Variants in ENOX1 observed in about 807,000 individuals in gnomAD.
ENOX1 encodes the protein candidate growth-related and time keeping constitutive hydroquinone (NADH) oxidase.
A neutral mutation model predicts 82.5 loss-of-function variants in ENOX1; 42 were observed. The ratio of observed to expected loss-of-function variants is 0.51; its 90% CI spans 0.40 to 0.66. The LOEUF (loss-of-function observed/expected upper bound fraction) is 0.66. Ranked by LOEUF, ENOX1 falls within the 30% of genes least tolerant of loss-of-function variation. The pLI is 0.00. For missense variants in ENOX1, 608 were observed against 811.6 expected (o/e 0.75, Z 3.05); for synonymous variants, 271 against 282.2 (o/e 0.96, Z 0.40).
At chr13:43,367,473 C>G (rs926733270) in intron 5 of ENOX1, among the ~76,000 whole-genome samples, 2 of 151,988 alleles carry the variant, frequency 1.3e-5, no homozygotes, top group African/African-American at 4.8e-5. Context: ...CACAGACACA[C>G]AGGGAGAATG....
chr13:43,321,428 C>A (rs2047800955), intron 11 of ENOX1, among the ~76,000 whole-genome samples: 1 of 152,216 alleles, frequency 6.6e-6, no homozygotes, highest in South Asian at 2.1e-4. Flanking sequence ...ATCACTCGCA[C>A]CCCTACATTC....
At chr13:43,713,561 C>T (rs1049777017) in intron 1 of ENOX1, among the ~76,000 whole-genome samples, 39 of 152,122 alleles carry the variant, frequency 2.6e-4, no homozygotes, top group South Asian at 8.3e-4. Flanking sequence ...TTTTGGTTGG[C>T]AAGCTATTGA....
chr13:43,554,244 T>C (rs554467173), intron 2 of ENOX1, among the ~76,000 whole-genome samples: 1 of 152,170 alleles, frequency 6.6e-6, no homozygotes, highest in African/African-American at 2.4e-5. Context: ...TGAGAATCCA[T>C]GTACACATTG....
At chr13:43,329,785 T>C (rs1004249556) in intron 9 of ENOX1, among the ~76,000 whole-genome samples, 2 of 152,132 alleles carry the variant, frequency 1.3e-5, no homozygotes, top group African/African-American at 4.8e-5. Context: ...GTAACTCAGG[T>C]TTGGAAACCA....
chr13:43,296,491 C>G (rs1037449172), intron 12 of ENOX1, among the ~76,000 whole-genome samples: 1 of 152,168 alleles, frequency 6.6e-6, no homozygotes, highest in Non-Finnish European at 1.5e-5. Context: ...TGCTTTTGGA[C>G]CCTAGATCTT....
At chr13:43,758,937 G>A (rs915942519) in intron 1 of ENOX1, among the ~76,000 whole-genome samples, 1 of 152,158 alleles carries the variant, frequency 6.6e-6, no homozygotes, top group Non-Finnish European at 1.5e-5. Flanking sequence ...AGATTTGGCA[G>A]GGATGGCAGC....
chr13:43,448,232 AG>A (rs1288362906), intron 3 of ENOX1, among the ~76,000 whole-genome samples: 2 of 152,224 alleles, frequency 1.3e-5, no homozygotes, highest in Non-Finnish European at 2.9e-5. Context: ...TTTGCAGGAG[AG>A]GTCATTTAAT....
At chr13:43,647,904 GAGA>G (rs1437028518) in intron 2 of ENOX1, among the ~76,000 whole-genome samples, 1 of 152,200 alleles carries the variant, frequency 6.6e-6, no homozygotes, top group Non-Finnish European at 1.5e-5. Flanking sequence ...ATGGCAGAAT[GAGA>G]AGGTCTCGAC....
chr13:43,499,612 G>T (rs181632200), intron 2 of ENOX1, among the ~76,000 whole-genome samples: 16 of 151,968 alleles, frequency 1.1e-4, no homozygotes, highest in African/African-American at 3.6e-4. Flanking sequence ...CTTGTGGAGG[G>T]CTTTCCCTAC....
intron 2 of ENOX1, among the ~76,000 whole-genome samples, chr13:43,662,075 C>T (rs557206994): frequency 1.3e-5 from 2 of 152,066 alleles, no homozygotes; most frequent in South Asian, 4.2e-4. Context: ...ACTTTGGGGC[C>T]AACTCAATAC....
chr13:43,666,032 T>C (rs1056843850), intron 2 of ENOX1, among the ~76,000 whole-genome samples: 1 of 151,644 alleles, frequency 6.6e-6, no homozygotes, highest in African/African-American at 2.4e-5. Flanking sequence ...TAAAGTTATG[T>C]TTACACTATA....
intron 2 of ENOX1, among the ~76,000 whole-genome samples, chr13:43,523,452 A>C (rs1465313829): frequency 6.6e-6 from 1 of 152,192 alleles, no homozygotes; most frequent in Non-Finnish European, 1.5e-5. Context: ...AAGAATAAGG[A>C]CTAAAGAGAA....
At chr13:43,280,528 A>G (rs2045316571) in intron 12 of ENOX1, among the ~76,000 whole-genome samples, 1 of 152,192 alleles carries the variant, frequency 6.6e-6, no homozygotes, top group South Asian at 2.1e-4. Context: ...CTTTTAGTTG[A>G]ATCTTAATGG....
chr13:43,365,475 G>A (rs756866075), intron 5 of ENOX1, among the ~76,000 whole-genome samples: 10 of 152,186 alleles, frequency 6.6e-5, no homozygotes, highest in Admixed American at 2.6e-4. Context: ...GATTATTAGC[G>A]CAGATAAAAC....
intron 5 of ENOX1, among the ~76,000 whole-genome samples, chr13:43,370,141 G>T (rs950755642): frequency 1.3e-5 from 2 of 152,204 alleles, no homozygotes; most frequent in South Asian, 4.1e-4. Context: ...GCTGAGGCAG[G>T]TGGATCACGA....
intron 9 of ENOX1, among the ~76,000 whole-genome samples, chr13:43,343,022 T>C (rs1294263850): frequency 2.0e-5 from 3 of 152,218 alleles, no homozygotes; most frequent in Non-Finnish European, 1.5e-5. Flanking sequence ...TCTTCCTTGC[T>C]CATTAGGACT....
chr13:43,660,009 A>T (rs2084642939), intron 2 of ENOX1, among the ~76,000 whole-genome samples: 1 of 152,180 alleles, frequency 6.6e-6, no homozygotes, highest in South Asian at 2.1e-4. Context: ...CCTCTGTTGG[A>T]GTGGAGGAGC....
intron 1 of ENOX1, among the ~76,000 whole-genome samples, chr13:43,763,173 T>C (rs1038368170): frequency 1.3e-5 from 2 of 152,236 alleles, no homozygotes; most frequent in South Asian, 4.1e-4. Context: ...TGTCTATGTC[T>C]GGGCTGCAAT....
At chr13:43,456,156 C>T (rs2057219366) in intron 3 of ENOX1, among the ~76,000 whole-genome samples, 1 of 151,950 alleles carries the variant, frequency 6.6e-6, no homozygotes, top group South Asian at 2.1e-4. Context: ...TCTCATCTTT[C>T]TGAAGTTACT....
Sources: allele counts gnomAD v4.1 joint callset (sites outside exome capture counted in the v4.1 genomes callset), GRCh38; gene constraint gnomAD v4.1.1; transcripts MANE v1.5; gene names NCBI Gene and HGNC (gene_info 2026-07-23, HGNC 2026-07-21).